Variants in MCM10 observed in about 807,000 individuals in gnomAD.
MCM10 encodes the protein minichromosome maintenance 10 replication initiation factor.
MCM10 carries 91 observed loss-of-function variants against 109.9 expected under a neutral mutation model. That is an observed-to-expected ratio of 0.83 (90% CI 0.70 to 0.99). The LOEUF (loss-of-function observed/expected upper bound fraction) is 0.99. MCM10 is among the 50% of genes least tolerant of loss of function. The pLI, the probability that MCM10 is intolerant of heterozygous loss-of-function variation, is 0.00. For missense variants in MCM10, 1,077 were observed against 1,061.2 expected, an observed-to-expected ratio of 1.01 and a Z score of -0.21; for synonymous variants, 380 against 387.2, an observed-to-expected ratio of 0.98 and a Z score of 0.22.
intron 2 of MCM10, among the ~76,000 whole-genome samples, chr10:13,166,653 C>CATATATATAT (rs1355743693): frequency 8.3e-4 from 38 of 45,524 alleles, no homozygotes; most frequent in African/African-American, 2.6e-3. Flanking sequence ...AAAAAAAATA[C>CATATATATAT]ATACATACAT....
At chr10:13,177,457 A>G (rs1254124848) in intron 6 of MCM10, among the ~76,000 whole-genome samples, 2 of 149,514 alleles carry the variant, frequency 1.3e-5, no homozygotes, top group Non-Finnish European at 3.0e-5. Context: ...GAAATGCTGC[A>G]GTATTTCCTT....
At chr10:13,175,437 A>T (rs1012664457) in intron 5 of MCM10, 73 bp from the exon 6 acceptor site, 62 of 1,346,988 alleles carry the variant, frequency 4.6e-5, no homozygotes, top group Middle Eastern at 3.6e-4. Flanking sequence ...ACAAATCCGT[A>T]AAAACAAATT....
Position 13,172,588 on chromosome 10 carries a change from A to G in MCM10, c.455-40A>G. 6.2e-7 allele frequency: 1 copy of G among 1,611,884 alleles called. No homozygotes were observed. The highest frequency in any genetic ancestry group is 8.5e-7 in the Non-Finnish European group (1 of 1,178,832). On this transcript the variant is annotated intron_variant, in intron 4 of 19. Transcript: ENST00000378714. This position sits in a 1 kb window ranked among gnomAD's most constrained non-coding sequence, Gnocchi z 5.2. ...AAACAGCCCTTTGAACCTCTTTCTG[A>G]ATGGGTTTTTACTCACTTATTTTAC... is the stretch of plus-strand genomic sequence containing the variant.
intron 17 of MCM10, among the ~76,000 whole-genome samples, chr10:13,203,936 G>A (rs1353268690): frequency 6.6e-6 from 1 of 152,162 alleles, no homozygotes; most frequent in Non-Finnish European, 1.5e-5. Context: ...TGCCCTTGCT[G>A]TTGTCATCAT....
Position 13,161,560 on chromosome 10 carries a change from A to T in MCM10, c.-122A>T, listed in dbSNP as rs1833926687. The T allele has an allele frequency of 6.6e-6, 1 of 152,340 alleles. No individual in the cohort carries two copies. The highest frequency in any genetic ancestry group is 6.5e-5 in the Admixed American group (1 of 15,276). 9.4% of individuals were successfully genotyped at this position (152,340 alleles called of 1,614,324 possible). A position where few individuals can be genotyped will look rare whatever the true frequency, so the allele number is the denominator to read the frequency against. ...CAAGGCAGGGGCGGGATCCGGTTGGAATTTTGGCGGGTTCAGCTGTGAACG... is the reference window on the plus strand; with the variant it reads ...CAAGGCAGGGGCGGGATCCGGTTGGTATTTTGGCGGGTTCAGCTGTGAACG... On this transcript the variant is annotated 5_prime_UTR_variant, in exon 1 of 20. Transcript: ENST00000378714.
intron 13 of MCM10, among the ~76,000 whole-genome samples, chr10:13,194,505 C>T (rs763305416): frequency 6.6e-6 from 1 of 152,146 alleles, no homozygotes; most frequent in Non-Finnish European, 1.5e-5. Context: ...AAGATCATGC[C>T]ACTGCACTCC....
At position 13,162,833 on chromosome 10, in the gene MCM10, G is replaced by T. The variant is rs181133427; in HGVS notation, c.-76+1227G>T. 1.5e-3 allele frequency among the ~76,000 whole-genome samples: 234 copies of T among 152,150 alleles called. 1 individual carries two copies. Among genetic ancestry groups the T allele is most frequent in the African/African-American group, 5.3e-3 (219 of 41,528 alleles). On this transcript the variant is annotated intron_variant, in intron 1 of 19. Coordinates refer to ENST00000378714, the MANE Select transcript of MCM10 (RefSeq NM_018518.5). ...GGTGGCTCACGCCTGTAATCCCAGCGCTTTGGGAGGCCAAGGCGGACGGAT... is the reference window on the plus strand; with the variant it reads ...GGTGGCTCACGCCTGTAATCCCAGCTCTTTGGGAGGCCAAGGCGGACGGAT...
At chr10:13,188,643 T>C (rs889960831) in intron 9 of MCM10, among the ~76,000 whole-genome samples, 3 of 152,202 alleles carry the variant, frequency 2.0e-5, no homozygotes, top group Middle Eastern at 3.2e-3. Context: ...TGATTTCCTT[T>C]GTAGAAAGAG....
At chr10:13,180,990 C>G (rs1834202811) in intron 7 of MCM10, among the ~76,000 whole-genome samples, 1 of 152,174 alleles carries the variant, frequency 6.6e-6, no homozygotes, top group African/African-American at 2.4e-5. Flanking sequence ...AAGTACCAAC[C>G]ACAAAAGTGC....
At position 13,180,542 on chromosome 10, in the gene MCM10, G is replaced by A. The variant is rs141929566; in HGVS notation, c.865G>A (p.Glu289Lys). 3.7e-6 allele frequency: 6 copies of A among 1,614,048 alleles called. No homozygotes were observed. The highest frequency in any genetic ancestry group is 4.2e-6 in the Non-Finnish European group (5 of 1,180,044). Residue 289 changes from glutamate (E) to lysine (K), a missense_variant, in exon 7 of 20, where the codon GAA becomes AAA. Physicochemically the swap from Glu to Lys is moderately conservative, Grantham distance 56. Transcript: ENST00000378714. ...IKEKMAREKLEEIDWVTFGVI... is the reference protein window; with the variant it reads ...IKEKMAREKLKEIDWVTFGVI... Reference sequence around the variant, plus strand: ...GGAAAAGATGGCCAGAGAGAAGCTGGAAGAAATAGATTGGGTGACATTTGG... The same window carrying A: ...GGAAAAGATGGCCAGAGAGAAGCTGAAAGAAATAGATTGGGTGACATTTGG...
intron 7 of MCM10, 45 bp downstream of exon 7, chr10:13,180,652 C>G: frequency 1.2e-6 from 2 of 1,600,360 alleles, no homozygotes; most frequent in African/African-American, 1.3e-5. Flanking sequence ...TACAAACTGA[C>G]AGTGGGAATT....
intron 2 of MCM10, among the ~76,000 whole-genome samples, chr10:13,169,466 G>A (rs2131556352): frequency 6.6e-6 from 1 of 152,258 alleles, no homozygotes; most frequent in Admixed American, 6.5e-5. Flanking sequence ...CAATTTGGCA[G>A]CATCTAGCAA....
chr10:13,178,032 A>G (rs766853250), intron 6 of MCM10, among the ~76,000 whole-genome samples: 6 of 152,090 alleles, frequency 3.9e-5, no homozygotes, highest in Non-Finnish European at 8.8e-5. Flanking sequence ...GCCAAGACCA[A>G]TGTCCTAGAG....
At chr10:13,168,773 A>G (rs1367780063) in intron 2 of MCM10, among the ~76,000 whole-genome samples, 1 of 152,214 alleles carries the variant, frequency 6.6e-6, no homozygotes, top group Non-Finnish European at 1.5e-5. Flanking sequence ...GACACATCAG[A>G]TATTGATGAG....
chr10:13,169,293 C>T lies in MCM10; in HGVS notation c.8-1629C>T, dbSNP rs576391804. Among the ~76,000 whole-genome samples the T allele has an allele frequency of 7.9e-5, 12 of 152,344 alleles. No homozygotes were observed. The South Asian group carries it at 2.5e-3, about 32-fold the overall frequency. On this transcript the variant is annotated intron_variant, in intron 2 of 19. Coordinates refer to ENST00000378714, the MANE Select transcript of MCM10 (RefSeq NM_018518.5). ...GCGGCAACCCATTTCTCTGGGACCT[C>T]TCTGCTGCCGAGAGCTCTTCTCTTT...
Position 13,198,892 on chromosome 10 carries a change from G to T in MCM10, c.2238+85G>T. 3 of 885,030 alleles carry T rather than the reference G, an allele frequency of 3.4e-6. No individual in the cohort carries two copies. In the Admixed American group the frequency reaches 5.8e-5, roughly 17 times the overall value. The allele number at this position is 885,030 out of a possible 1,614,324, so 54.8% of individuals were successfully genotyped here. A position where few individuals can be genotyped will look rare whatever the true frequency, so the allele number is the denominator to read the frequency against. On this transcript the variant is annotated intron_variant, in intron 16 of 19. Coordinates refer to ENST00000378714, the MANE Select transcript of MCM10 (RefSeq NM_018518.5). Reference sequence around the variant, plus strand: ...CTAGCTGTAGGACCAAGAATGTGTTGTTTGTTTTATTTTGTTTTTCTGAGA... The same window carrying T: ...CTAGCTGTAGGACCAAGAATGTGTTTTTTGTTTTATTTTGTTTTTCTGAGA...
intron 6 of MCM10, among the ~76,000 whole-genome samples, chr10:13,178,238 A>G (rs1490863734): frequency 6.6e-6 from 1 of 152,168 alleles, no homozygotes; most frequent in African/African-American, 2.4e-5. Flanking sequence ...TCAGACTACA[A>G]GCACGCACCA....
chr10:13,186,679 T>C (rs1327024990), intron 9 of MCM10, among the ~76,000 whole-genome samples: 2 of 152,140 alleles, frequency 1.3e-5, no homozygotes, highest in Non-Finnish European at 2.9e-5. Context: ...TCACATACCA[T>C]GCAATTCACC....
chr10:13,164,345 A>G, intron 2 of MCM10, 136 bp downstream of exon 2: 1 of 688,636 alleles, frequency 1.5e-6, no homozygotes, highest in Admixed American at 3.7e-5. Flanking sequence ...GTTCTGAAGC[A>G]ATCTCACATC....
Sources: gnomAD v4.1 joint callset for allele counts (sites outside exome capture counted in the v4.1 genomes callset) on GRCh38, gnomAD v4.1.1 for gene constraint, Gnocchi (gnomAD v3.1) non-coding constraint, MANE v1.5 for transcripts, NCBI Gene and HGNC (gene_info 2026-07-23, HGNC 2026-07-21) for gene names.